ZNF804A: variants seen among roughly 807,000 people sequenced by gnomAD.
ZNF804A encodes the protein zinc finger protein 804A.
ZNF804A carries 2 observed loss-of-function variants against 16.5 expected under a neutral mutation model. The observed-to-expected ratio is 0.12, with a 90% CI of 0.05 to 0.38. The LOEUF is 0.38. ZNF804A is among the 10% of genes least tolerant of loss of function. The probability of loss-of-function intolerance (pLI) is 0.99; values close to 1 mark genes in which losing one functional copy is unlikely to be tolerated. For missense variants in ZNF804A, 1,473 were observed against 1,390.7 expected, an observed-to-expected ratio of 1.06 and a Z score of -0.94; for synonymous variants, 534 against 489.6, an observed-to-expected ratio of 1.09 and a Z score of -1.20.
intron 2 of ZNF804A, among the ~76,000 whole-genome samples, chr2:184,870,168 A>G (rs556530024): frequency 3.6e-4 from 55 of 152,222 alleles, no homozygotes; most frequent in Non-Finnish European, 6.5e-4. Flanking sequence ...GGCTAGAATC[A>G]AAATTCATTT....
chr2:184,686,565 T>A (rs1319486817), intron 1 of ZNF804A, among the ~76,000 whole-genome samples: 1 of 152,228 alleles, frequency 6.6e-6, no homozygotes, highest in African/African-American at 2.4e-5. Flanking sequence ...TGCCCAGTAA[T>A]GGGAGCATTG....
chr2:184,885,623 T>C (rs923275545), intron 2 of ZNF804A, among the ~76,000 whole-genome samples: 13 of 151,766 alleles, frequency 8.6e-5, no homozygotes, highest in African/African-American at 2.4e-4. Flanking sequence ...GAAAAAGAGG[T>C]TTATTTGGAC....
At chr2:184,647,797 C>T (rs1023928618) in intron 1 of ZNF804A, among the ~76,000 whole-genome samples, 5 of 152,060 alleles carry the variant, frequency 3.3e-5, no homozygotes, top group African/African-American at 1.2e-4. Flanking sequence ...AAAGGTAAAC[C>T]ACCTGGAATA....
chr2:184,666,480 A>G (rs1018035288), intron 1 of ZNF804A, among the ~76,000 whole-genome samples: 2 of 152,062 alleles, frequency 1.3e-5, no homozygotes, highest in African/African-American at 2.4e-5. Flanking sequence ...AAATAGAAAA[A>G]TGTACAATTT....
chr2:184,901,035 G>A (rs1685172932), intron 2 of ZNF804A, among the ~76,000 whole-genome samples: 1 of 152,018 alleles, frequency 6.6e-6, no homozygotes, highest in East Asian at 1.9e-4. Flanking sequence ...GTTTGCAGGG[G>A]CATTCTCCTC....
rs926852890 is a variant in ZNF804A, at chr2:184,622,796, C to A, written c.111+23726C>A. Among the ~76,000 whole-genome samples, 43 of 151,754 alleles carry A rather than the reference C, an allele frequency of 2.8e-4. 1 individual carries two copies. The highest frequency in any genetic ancestry group is 5.9e-5 in the Non-Finnish European group (4 of 67,850). The stretch of plus-strand genomic sequence containing the variant: ...TTAAGTAAATTAGCCTGAAAACAAA[C>A]TGAGGAAAGGAAAGAACTTAGAACC... On this transcript the variant is annotated intron_variant, in intron 1 of 3. Coordinates refer to ENST00000302277, the MANE Select transcript of ZNF804A (RefSeq NM_194250.2).
intron 2 of ZNF804A, among the ~76,000 whole-genome samples, chr2:184,890,793 T>C (rs1460976885): frequency 6.6e-6 from 1 of 150,874 alleles, no homozygotes; most frequent in Admixed American, 6.6e-5. Context: ...ATTATTTAAA[T>C]ATTTTATATC....
chr2:184,829,600 G>A (rs1380437724), intron 1 of ZNF804A, among the ~76,000 whole-genome samples: 6 of 151,648 alleles, frequency 4.0e-5, no homozygotes, highest in Non-Finnish European at 8.8e-5. Flanking sequence ...AGAAAATCTA[G>A]ACTTATATTA....
chr2:184,896,435 G>T (rs1685071236), intron 2 of ZNF804A, among the ~76,000 whole-genome samples: 3 of 152,098 alleles, frequency 2.0e-5, no homozygotes, highest in African/African-American at 7.2e-5. Context: ...ATAGGTTCCT[G>T]CTTCATTTGT....
chr2:184,641,343 A>G (rs1691792745), intron 1 of ZNF804A, among the ~76,000 whole-genome samples: 1 of 152,216 alleles, frequency 6.6e-6, no homozygotes, highest in Non-Finnish European at 1.5e-5. Context: ...ATGCTGAACC[A>G]AAGCATGTAG....
intron 1 of ZNF804A, among the ~76,000 whole-genome samples, chr2:184,695,465 TAAAAAAAA>T (rs779929990): frequency 7.7e-5 from 4 of 51,828 alleles, no homozygotes; most frequent in South Asian, 7.6e-4. Flanking sequence ...ACTCCGTCAT[TAAAAAAAA>T]AAAAAAAAAA....
intron 2 of ZNF804A, among the ~76,000 whole-genome samples, chr2:184,893,245 T>G (rs986758503): frequency 6.6e-6 from 1 of 152,084 alleles, no homozygotes; most frequent in South Asian, 2.1e-4. Flanking sequence ...TGCTCCCTGA[T>G]ATATGAAAAA....
chr2:184,725,097 G>T (rs545769527), intron 1 of ZNF804A, among the ~76,000 whole-genome samples: 1 of 151,714 alleles, frequency 6.6e-6, no homozygotes, highest in South Asian at 2.1e-4. Context: ...TAGCTACTAG[G>T]ACTAGTTCTG....
intron 1 of ZNF804A, among the ~76,000 whole-genome samples, chr2:184,813,442 T>TAGGA (rs1010622916): frequency 2.0e-5 from 3 of 152,008 alleles, no homozygotes; most frequent in Non-Finnish European, 4.4e-5. Flanking sequence ...TTTAAAGTAA[T>TAGGA]AGGAAATAGG....
intron 1 of ZNF804A, among the ~76,000 whole-genome samples, chr2:184,836,695 A>AT (rs1177472506): frequency 4.3e-4 from 64 of 148,156 alleles, no homozygotes; most frequent in African/African-American, 1.6e-3. Context: ...ATATATATAT[A>AT]TATTTTTTTT....
chr2:184,617,682 T>A (rs944126955), intron 1 of ZNF804A, among the ~76,000 whole-genome samples: 1 of 151,772 alleles, frequency 6.6e-6, no homozygotes, highest in East Asian at 1.9e-4. Flanking sequence ...TAGGAATCAA[T>A]TCTACATTAA....
chr2:184,626,565 G>A (rs1485202814), intron 1 of ZNF804A, among the ~76,000 whole-genome samples: 1 of 151,974 alleles, frequency 6.6e-6, no homozygotes, highest in East Asian at 1.9e-4. Context: ...ATACCTCAGT[G>A]CTCAACAAGT....
intron 1 of ZNF804A, among the ~76,000 whole-genome samples, chr2:184,754,873 A>G (rs896633986): frequency 6.6e-6 from 1 of 151,998 alleles, no homozygotes; most frequent in African/African-American, 2.4e-5. Context: ...AAGGAGAAGC[A>G]AGGCGTGTCT....
chr2:184,820,765 CACA>C (rs1695065409), intron 1 of ZNF804A, among the ~76,000 whole-genome samples: 1 of 151,956 alleles, frequency 6.6e-6, no homozygotes, highest in Non-Finnish European at 1.5e-5. Flanking sequence ...CATTCTTATA[CACA>C]ACAACAGGCA....
Sources: allele counts gnomAD v4.1 joint callset (sites outside exome capture counted in the v4.1 genomes callset), GRCh38; gene constraint gnomAD v4.1.1; transcripts MANE v1.5; gene names NCBI Gene and HGNC (gene_info 2026-07-23, HGNC 2026-07-21).